The following FTO variants were observed in gnomAD, a reference collection of about 807,000 sequenced individuals.
FTO encodes FTO alpha-ketoglutarate dependent dioxygenase.
FTO carries 47 observed loss-of-function variants against 63.9 expected under a neutral mutation model. That is an observed-to-expected ratio of 0.74 (90% CI 0.58 to 0.94). The LOEUF (loss-of-function observed/expected upper bound fraction) is 0.94. FTO is among the 40% of genes least tolerant of loss of function. The pLI is 0.00. For missense variants in FTO, 562 were observed against 618.1 expected, an observed-to-expected ratio of 0.91 and a Z score of 0.96; for synonymous variants, 207 against 224.4, an observed-to-expected ratio of 0.92 and a Z score of 0.69.
intron 1 of FTO, among the ~76,000 whole-genome samples, chr16:53,724,398 C>T (rs1026333158): frequency 6.6e-6 from 1 of 152,194 alleles, no homozygotes; most frequent in African/African-American, 2.4e-5. Flanking sequence ...AGTTTGAGAC[C>T]AGTCTATAGT....
chr16:53,949,688 C>T (rs1458660574), intron 8 of FTO, among the ~76,000 whole-genome samples: 1 of 114,124 alleles, frequency 8.8e-6, no homozygotes, highest in Non-Finnish European at 1.8e-5. Flanking sequence ...TATGGATTTG[C>T]AGTTTGTGCA....
intron 8 of FTO, chr16:54,069,976 A>G (rs1444463684): frequency 6.6e-6 from 1 of 152,122 alleles, no homozygotes; most frequent in African/African-American, 2.4e-5. Flanking sequence ...AACTTTCTCT[A>G]TGCCTTGGTT....
At chr16:53,760,235 TGTGTGTGTGTGTGTGTGTGTGTGTG>T (rs1416921710) in intron 1 of FTO, among the ~76,000 whole-genome samples, 388 of 20,114 alleles carry the variant, frequency 0.019, 14 homozygotes, top group African/African-American at 0.07. Context: ...TGTGTGTGTG[TGTGTGTGTGTGTGTGTGTGTGTGTG>T]TTTTTTGGAG....
At chr16:53,924,892 T>C (rs1251911695) in intron 7 of FTO, among the ~76,000 whole-genome samples, 1 of 152,032 alleles carries the variant, frequency 6.6e-6, no homozygotes, top group Non-Finnish European at 1.5e-5. Context: ...CAGTCCAGTT[T>C]AGAAAATGTG....
chr16:54,075,616 A>G (rs1475805139), intron 8 of FTO, among the ~76,000 whole-genome samples: 2 of 152,224 alleles, frequency 1.3e-5, no homozygotes, highest in Non-Finnish European at 2.9e-5. Flanking sequence ...TAATTGGAGT[A>G]TACAGAAATA....
intron 2 of FTO, among the ~76,000 whole-genome samples, chr16:53,822,948 G>A (rs973331066): frequency 2.0e-5 from 3 of 152,012 alleles, no homozygotes; most frequent in African/African-American, 7.3e-5. Context: ...GAGAAACTCT[G>A]GTGTTCTCTA....
chr16:53,781,922 A>G (rs2077598393), intron 1 of FTO, among the ~76,000 whole-genome samples: 1 of 152,138 alleles, frequency 6.6e-6, no homozygotes, highest in African/African-American at 2.4e-5. Context: ...TTGGCACGTG[A>G]ACTTCTCTAC....
At chr16:54,061,397 TGTCAGCCTCTGAGGTC>T (rs1189326486) in intron 8 of FTO, among the ~76,000 whole-genome samples, 2 of 152,190 alleles carry the variant, frequency 1.3e-5, no homozygotes, top group African/African-American at 4.8e-5. Context: ...CATCAAACCA[TGTCAGCCTCTGAGGTC>T]ACAGATTTCA....
intron 8 of FTO, among the ~76,000 whole-genome samples, chr16:53,990,333 G>A (rs2083779204): frequency 6.6e-6 from 1 of 152,160 alleles, no homozygotes; most frequent in African/African-American, 2.4e-5. Flanking sequence ...CCATTTTATA[G>A]ATGAGGATGC....
At chr16:54,095,170 G>A (rs1419939979) in intron 8 of FTO, among the ~76,000 whole-genome samples, 1 of 152,176 alleles carries the variant, frequency 6.6e-6, no homozygotes, top group African/African-American at 2.4e-5. Flanking sequence ...CTCCCAAGTA[G>A]CTGAAACTGT....
chr16:53,752,026 C>G (rs141846297), intron 1 of FTO, among the ~76,000 whole-genome samples: 50 of 152,262 alleles, frequency 3.3e-4, no homozygotes, highest in African/African-American at 1.2e-3. Flanking sequence ...ATTTTTTGTA[C>G]TGGCACATGG....
intron 1 of FTO, among the ~76,000 whole-genome samples, chr16:53,789,767 TACAC>T (rs1555634083): frequency 1.4e-3 from 206 of 147,768 alleles, no homozygotes; most frequent in African/African-American, 4.9e-3. Flanking sequence ...TATATATATA[TACAC>T]ACACACACAC....
chr16:54,020,807 A>G (rs2006910), intron 8 of FTO, among the ~76,000 whole-genome samples: 11,398 of 152,046 alleles, frequency 0.075, 634 homozygotes, highest in African/African-American at 0.15. Context: ...CTTCATCTCT[A>G]CTAACAATAC....
At chr16:54,062,378 C>T (rs1488744279) in intron 8 of FTO, among the ~76,000 whole-genome samples, 8 of 151,930 alleles carry the variant, frequency 5.3e-5, no homozygotes, top group Non-Finnish European at 7.4e-5. Context: ...CAGGGGGGTG[C>T]GGCAGGAAAG....
At chr16:54,094,803 G>A (rs1466606573) in intron 8 of FTO, among the ~76,000 whole-genome samples, 1 of 152,158 alleles carries the variant, frequency 6.6e-6, no homozygotes, top group Non-Finnish European at 1.5e-5. Flanking sequence ...CTGTGTGTAG[G>A]TAGAGCATAG....
intron 8 of FTO, among the ~76,000 whole-genome samples, chr16:54,000,479 C>T (rs188429228): frequency 2.0e-5 from 3 of 152,212 alleles, no homozygotes; most frequent in Admixed American, 6.5e-5. Flanking sequence ...CTGGTCTAAC[C>T]GAAGTTGCCA....
intron 7 of FTO, among the ~76,000 whole-genome samples, chr16:53,893,683 T>G (rs1344499): frequency 0.7 from 106,339 of 151,846 alleles, 38,385 homozygotes; most frequent in East Asian, 0.86. Context: ...AAAGGTCAAT[T>G]TGGTATAATC....
At chr16:54,031,298 C>T (rs12051261) in intron 8 of FTO, among the ~76,000 whole-genome samples, 38,230 of 152,106 alleles carry the variant, frequency 0.25, 5,904 homozygotes, top group East Asian at 0.46. Context: ...CACAGAAAAG[C>T]CAATGCACTG....
chr16:53,801,716 G>A (rs969578869), intron 1 of FTO, among the ~76,000 whole-genome samples: 1 of 149,194 alleles, frequency 6.7e-6, no homozygotes, highest in African/African-American at 2.5e-5. Context: ...TCTGTCTTCC[G>A]GCAACCATTT....
Sources: gnomAD v4.1 joint callset for allele counts (sites outside exome capture counted in the v4.1 genomes callset) on GRCh38, gnomAD v4.1.1 for gene constraint, MANE v1.5 for transcripts, NCBI Gene and HGNC (gene_info 2026-07-23, HGNC 2026-07-21) for gene names.